Variants in NRCAM observed in about 807,000 individuals in gnomAD.
NRCAM encodes the protein NgCAM-related cell adhesion molecule.
NRCAM carries 83 observed loss-of-function variants against 156.5 expected under a neutral mutation model. The observed-to-expected ratio is 0.53, with a 90% CI of 0.44 to 0.64. The LOEUF (loss-of-function observed/expected upper bound fraction) is 0.64. NRCAM is among the 30% of genes least tolerant of loss of function. NRCAM has a pLI of 0.00. For synonymous variants in NRCAM, 538 were observed against 563.9 expected, an observed-to-expected ratio of 0.95 and a Z score of 0.65; for missense variants, 1,417 against 1,597.3, an observed-to-expected ratio of 0.89 and a Z score of 1.92.
chr7:108,372,918 A>C (rs1266419221), intron 2 of NRCAM, among the ~76,000 whole-genome samples: 2 of 152,196 alleles, frequency 1.3e-5, no homozygotes, highest in African/African-American at 2.4e-5. Context: ...TTGCAGCACT[A>C]ATCACAATAG....
chr7:108,173,067 C>T (rs1389285130), intron 28 of NRCAM, among the ~76,000 whole-genome samples: 3 of 149,562 alleles, frequency 2.0e-5, no homozygotes, highest in African/African-American at 7.4e-5. Context: ...CTCACTGCAA[C>T]CTCTACCTCC....
chr7:108,315,065 A>C (rs2098886782), intron 2 of NRCAM, among the ~76,000 whole-genome samples: 2 of 152,120 alleles, frequency 1.3e-5, no homozygotes, highest in African/African-American at 2.4e-5. Context: ...ACAGATGAGA[A>C]ATAGTTTTCA....
At chr7:108,412,466 TTA>T (rs1342497564) in intron 1 of NRCAM, among the ~76,000 whole-genome samples, 3 of 152,178 alleles carry the variant, frequency 2.0e-5, no homozygotes, top group Admixed American at 2.0e-4. Flanking sequence ...ATGTACAACA[TTA>T]TGTTTTGAAA....
intron 11 of NRCAM, among the ~76,000 whole-genome samples, chr7:108,211,864 T>A (rs2084679330): frequency 6.6e-6 from 1 of 152,188 alleles, no homozygotes; most frequent in Non-Finnish European, 1.5e-5. Context: ...GGAGTTCTAG[T>A]GCTCCACTCA....
intron 2 of NRCAM, among the ~76,000 whole-genome samples, chr7:108,367,719 A>C (rs2099600426): frequency 6.6e-6 from 1 of 152,220 alleles, no homozygotes; most frequent in Admixed American, 6.5e-5. Context: ...ATGTGAAAGA[A>C]AAATCATATG....
Position 108,191,780 on chromosome 7 carries a change from C to T in NRCAM, c.1852G>A (p.Ala618Thr). 6.2e-7 allele frequency: 1 copy of T among 1,613,966 alleles called. No homozygotes were observed. The highest frequency in any genetic ancestry group is 8.5e-7 in the Non-Finnish European group (1 of 1,179,988). The change falls in exon 18 of 33, where the codon GCC (alanine) becomes ACC (threonine). Residue 618 changes from alanine (A) to threonine (T), a missense_variant. Ala to Thr is a moderately conservative substitution (Grantham distance 58). Coordinates refer to ENST00000379028, the MANE Select transcript of NRCAM (RefSeq NM_001037132.4). ...GAGACGCTGTCCAGAGTGGTGTTGG[C>T]CACACACGTGTAGGTCCCGCTGTCA... The part of the protein sequence containing the change: ...DDDSGTYTCV[A>T]NTTLDSVSAS...
chr7:108,451,151 A>C (rs917503246), intron 1 of NRCAM, among the ~76,000 whole-genome samples: 2 of 151,940 alleles, frequency 1.3e-5, no homozygotes, highest in East Asian at 3.9e-4. Context: ...CCAGGGAGGC[A>C]GAGGTTGCAG....
intron 2 of NRCAM, among the ~76,000 whole-genome samples, chr7:108,317,980 A>G (rs915203023): frequency 6.7e-6 from 1 of 149,576 alleles, no homozygotes; most frequent in Non-Finnish European, 1.5e-5. Context: ...GATTGAAAAT[A>G]GAGTTTTTGT....
chr7:108,201,741 C>G (rs2078258193), intron 13 of NRCAM, among the ~76,000 whole-genome samples: 1 of 152,132 alleles, frequency 6.6e-6, no homozygotes. Flanking sequence ...GCTATCAACT[C>G]TTTGGGAAGG....
At chr7:108,291,901 T>C (rs932759170) in intron 3 of NRCAM, among the ~76,000 whole-genome samples, 2 of 152,176 alleles carry the variant, frequency 1.3e-5, no homozygotes, top group Non-Finnish European at 2.9e-5. Flanking sequence ...AAAGTCTTTG[T>C]TTCCAATTAG....
At chr7:108,300,618 T>C (rs905083792) in intron 3 of NRCAM, among the ~76,000 whole-genome samples, 1 of 152,154 alleles carries the variant, frequency 6.6e-6, no homozygotes, top group East Asian at 1.9e-4. Context: ...TTGAGGCACA[T>C]AGGCTAGGTG....
intron 6 of NRCAM, among the ~76,000 whole-genome samples, chr7:108,234,327 A>G (rs977410754): frequency 6.6e-6 from 1 of 152,164 alleles, no homozygotes; most frequent in African/African-American, 2.4e-5. Context: ...GAGACAAAAC[A>G]ATACACCTAC....
In NRCAM at chr7:108,226,299, C is replaced by G; in HGVS notation, c.630G>C (p.Glu210Asp). 3 of 1,609,254 alleles carry G rather than the reference C, an allele frequency of 1.9e-6. No homozygotes were observed. Among genetic ancestry groups the G allele is most frequent in the Non-Finnish European group, 2.6e-6 (3 of 1,176,068 alleles). ...GDLYFSNVLP[E>D]DTREDYICYA... Reference sequence around the variant, plus strand: ...AACAGATATAGTCTTCGCGGGTGTCCTCTGGGAGGACATTGGAAAAATAAA... The same window carrying G: ...AACAGATATAGTCTTCGCGGGTGTCGTCTGGGAGGACATTGGAAAAATAAA... Residue 210 changes from glutamate to aspartate, a missense_variant, in exon 9 of 33, where the codon GAG (glutamate) becomes GAC (aspartate). Around this residue, in one of 2 missense-constraint regions of NRCAM, gnomAD observed 1,238 missense variants for 1,336.4 expected, o/e 0.93. Transcript: ENST00000379028.
At chr7:108,383,385 T>C (rs1563541943) in intron 2 of NRCAM, among the ~76,000 whole-genome samples, 1 of 152,242 alleles carries the variant, frequency 6.6e-6, no homozygotes, top group African/African-American at 2.4e-5. Flanking sequence ...CTGTCTTTTC[T>C]TGTAACATTA....
chr7:108,205,417 C>A (rs776378799), intron 13 of NRCAM, among the ~76,000 whole-genome samples: 1 of 152,182 alleles, frequency 6.6e-6, no homozygotes, highest in Non-Finnish European at 1.5e-5. Flanking sequence ...ACAAGCTGAG[C>A]AAATCAAGAA....
intron 3 of NRCAM, among the ~76,000 whole-genome samples, chr7:108,251,782 T>C (rs755674644): frequency 6.6e-6 from 1 of 151,972 alleles, no homozygotes; most frequent in Non-Finnish European, 1.5e-5. Context: ...TGAGCAGTGG[T>C]TTCTGGGTGC....
At chr7:108,184,089 T>A (rs1229725877) in intron 22 of NRCAM, 152 bp downstream of exon 22, 1 of 388,328 alleles carries the variant, frequency 2.6e-6, no homozygotes, top group Non-Finnish European at 4.4e-6. Flanking sequence ...TACTGCCTCT[T>A]AAGTAAAGAT....
At chr7:108,250,411 G>T (rs1562948557) in intron 3 of NRCAM, among the ~76,000 whole-genome samples, 1 of 113,254 alleles carries the variant, frequency 8.8e-6, no homozygotes, top group African/African-American at 3.4e-5. Context: ...GGGCAACAGA[G>T]CCACATCTTA....
intron 2 of NRCAM, among the ~76,000 whole-genome samples, chr7:108,319,750 T>C (rs77616174): frequency 0.012 from 1,885 of 152,200 alleles, 42 homozygotes; most frequent in African/African-American, 0.043. Context: ...AGGAAAGATG[T>C]GTTACAGTTT....
Sources: allele counts gnomAD v4.1 joint callset (sites outside exome capture counted in the v4.1 genomes callset), GRCh38; gene constraint gnomAD v4.1.1; regional missense constraint gnomAD v4.1.1; transcripts MANE v1.5; gene names NCBI Gene and HGNC (gene_info 2026-07-23, HGNC 2026-07-21).